Variants in THRA observed in about 807,000 individuals in gnomAD.
THRA encodes thyroid hormone receptor alpha.
A neutral mutation model predicts 45.0 loss-of-function variants in THRA; 13 were observed. That is an observed-to-expected ratio of 0.29 (90% CI 0.19 to 0.46). THRA has a LOEUF of 0.46. THRA is among the 20% of genes least tolerant of loss of function. The pLI, the probability that THRA is intolerant of heterozygous loss-of-function variation, is 1.00. For missense variants in THRA, 278 were observed against 556.1 expected (o/e 0.50, Z 5.03); for synonymous variants, 195 against 214.0 (o/e 0.91, Z 0.78).
Position 40,089,857 on chromosome 17 carries a change from C to A in THRA, c.*401C>A. The A allele has an allele frequency of 9.7e-7, 1 of 1,032,750 alleles. No individual in the cohort carries two copies. The allele number at this position is 1,032,750 out of a possible 1,614,324, so 64.0% of individuals were successfully genotyped here. A position where few individuals can be genotyped will look rare whatever the true frequency, so the allele number is the denominator to read the frequency against. On this transcript the variant is annotated 3_prime_UTR_variant, in exon 9 of 9. Coordinates refer to ENST00000450525, the MANE Select transcript of THRA (RefSeq NM_199334.5). The surrounding 1 kb of genome is among the most constrained non-coding windows in gnomAD (Gnocchi z 6.1). Reference sequence around the variant, plus strand: ...ACACACACATGAGAGAGAGCCCCCACCCAGTTCCTTGGCCTAGGTCTCCCC... The same window carrying A: ...ACACACACATGAGAGAGAGCCCCCAACCAGTTCCTTGGCCTAGGTCTCCCC...
Position 40,076,853 on chromosome 17 carries a change from C to T in THRA, c.54-18C>T, listed in dbSNP as rs2145060770. The T allele has an allele frequency of 6.2e-7, 1 of 1,613,842 alleles. No homozygotes were observed. The highest frequency in any genetic ancestry group is 2.2e-5 in the East Asian group (1 of 44,882). On this transcript the variant is annotated intron_variant, in intron 2 of 8. Coordinates refer to ENST00000450525, the MANE Select transcript of THRA (RefSeq NM_199334.5). ...TCGAAGACTGCTCTGTGATTCTGCC[C>T]ACTTTGCCTCCATCCAGTGCCAGGT...
chr17:40,070,221 C>A lies in THRA; in HGVS notation c.-297-3971C>A, dbSNP rs528768278. On this transcript the variant is annotated intron_variant, in intron 1 of 8. Transcript: ENST00000450525. ...CCGCCTCCCCTCCTCCCGTCTCCCC[C>A]ATGCCTGCCAGGCTGGGGCCCTGAG... 1.3e-4 allele frequency among the ~76,000 whole-genome samples: 20 copies of A among 152,212 alleles called. No individual in the cohort carries two copies. In the East Asian group the frequency reaches 3.7e-3, roughly 28 times the overall value.
At chr17:40,070,077 C>T (rs1436950789) in intron 1 of THRA, among the ~76,000 whole-genome samples, 1 of 151,976 alleles carries the variant, frequency 6.6e-6, no homozygotes, top group African/African-American at 2.4e-5. Context: ...TTATGAGGAT[C>T]CCCACCCCAT....
At position 40,092,776 on chromosome 17, in the gene THRA, A is replaced by C; in HGVS notation, c.*3320A>C. ...TCCACCCCACCCCCCAAACGAGCAC[A>C]CACCACAGAAGCCAGCTCAGCTGTG... On this transcript the variant is annotated 3_prime_UTR_variant, in exon 9 of 9. Transcript: ENST00000450525. 3 of 378,682 alleles carry C rather than the reference A, an allele frequency of 7.9e-6. No homozygotes were observed. Among genetic ancestry groups the C allele is most frequent in the Non-Finnish European group, 9.0e-6 (2 of 223,250 alleles). The allele number at this position is 378,682 out of a possible 1,614,324, so 23.5% of individuals were successfully genotyped here.
downstream of THRA, chr17:40,093,349 C>G: frequency 1.9e-6 from 3 of 1,612,582 alleles, no homozygotes. The surrounding 1 kb of genome is among the most constrained non-coding windows in gnomAD (Gnocchi z 5.9). Flanking sequence ...CGGAGGTCTG[C>G]GAGGACCTGG....
chr17:40,082,123 CA>C (rs1190333952), intron 4 of THRA, among the ~76,000 whole-genome samples: 1 of 151,194 alleles, frequency 6.6e-6, no homozygotes, highest in African/African-American at 2.4e-5. Flanking sequence ...GGACAACAGG[CA>C]ACATATATGA....
chr17:40,093,505 A>G, downstream of THRA: 1 of 1,409,848 alleles, frequency 7.1e-7, no homozygotes, highest in South Asian at 1.5e-5. This position sits in a 1 kb window ranked among gnomAD's most constrained non-coding sequence, Gnocchi z 5.9. Context: ...GTCACCTCCC[A>G]TCCCGTAAGA....
downstream of THRA, chr17:40,093,255 G>A (rs201903415): frequency 2.7e-5 from 44 of 1,613,646 alleles, no homozygotes; most frequent in East Asian, 4.5e-4. The surrounding 1 kb of genome is among the most constrained non-coding windows in gnomAD (Gnocchi z 5.9). Context: ...CTGCTCCACC[G>A]AAGCGGAATT....
intron 2 of THRA, 131 bp from the exon 3 acceptor site, chr17:40,076,740 G>A: frequency 1.1e-6 from 1 of 884,046 alleles, no homozygotes; most frequent in Non-Finnish European, 1.7e-6. Context: ...AGCTGACCCT[G>A]GGGGGTGGGA....
chr17:40,083,689 G>A, intron 4 of THRA, 146 bp from the exon 5 acceptor site: 1 of 1,065,532 alleles, frequency 9.4e-7, no homozygotes, highest in Admixed American at 2.9e-5. Flanking sequence ...AGTAATCTTG[G>A]GCTCATGGTG....
intron 2 of THRA, among the ~76,000 whole-genome samples, chr17:40,076,647 C>T (rs574808972): frequency 9.9e-5 from 15 of 152,222 alleles, no homozygotes; most frequent in Non-Finnish European, 1.9e-4. Context: ...TGTTGGGGCT[C>T]TAGAATATGC....
chr17:40,072,887 T>A (rs1439105936), intron 1 of THRA, among the ~76,000 whole-genome samples: 6 of 152,120 alleles, frequency 3.9e-5, no homozygotes, highest in Non-Finnish European at 7.4e-5. Flanking sequence ...GGCTCCCTGC[T>A]CATGCCCCCC....
intron 4 of THRA, among the ~76,000 whole-genome samples, chr17:40,082,207 CTTTTTTTT>C (rs770974952): frequency 2.5e-5 from 2 of 78,786 alleles, no homozygotes; most frequent in African/African-American, 9.9e-5. Flanking sequence ...CTTGGATTTC[CTTTTTTTT>C]TTTTTTTTTT....
downstream of THRA, chr17:40,093,585 C>T: frequency 1.2e-6 from 1 of 815,434 alleles, no homozygotes; most frequent in Non-Finnish European, 1.9e-6. The surrounding 1 kb of genome is among the most constrained non-coding windows in gnomAD (Gnocchi z 5.9). Context: ...GTTCCCTCTG[C>T]CTGGGATGCC....
chr17:40,074,342 G>A lies in THRA; in HGVS notation c.-147G>A. 3 of 832,040 alleles carry A rather than the reference G, an allele frequency of 3.6e-6. No homozygotes were observed. The highest frequency in any genetic ancestry group is 2.2e-5 in the Admixed American group (1 of 46,292). The allele number at this position is 832,040 out of a possible 1,614,324, so 51.5% of individuals were successfully genotyped here. A position where few individuals can be genotyped will look rare whatever the true frequency, so the allele number is the denominator to read the frequency against. On this transcript the variant is annotated 5_prime_UTR_variant, in exon 2 of 9. Transcript: ENST00000450525. Reference sequence around the variant, plus strand: ...TGGGGCGCAGGGCATGGTGTGAAAGGCCAAGTGCTGAGGCGGGTATCATGG... The same window carrying A: ...TGGGGCGCAGGGCATGGTGTGAAAGACCAAGTGCTGAGGCGGGTATCATGG...
intron 7 of THRA, 57 bp downstream of exon 7, chr17:40,086,910 C>T: frequency 1.9e-6 from 3 of 1,605,286 alleles, no homozygotes; most frequent in Non-Finnish European, 2.6e-6. Context: ...ACCTGCTCCC[C>T]CGGTCACCCA....
intron 1 of THRA, among the ~76,000 whole-genome samples, chr17:40,069,559 G>C (rs1449766433): frequency 6.6e-6 from 1 of 152,082 alleles, no homozygotes; most frequent in Non-Finnish European, 1.5e-5. Context: ...GCATTCAGCT[G>C]CCCCAGCTCC....
In THRA at chr17:40,083,814, GCTCCAT is replaced by G. The variant is rs1002873248; in HGVS notation, c.223-16_223-11del. 1.3e-6 allele frequency: 2 copies of G among 1,582,276 alleles called. No individual in the cohort carries two copies. The highest frequency in any genetic ancestry group is 2.7e-5 in the African/African-American group (2 of 74,188). On this transcript the variant is annotated splice_polypyrimidine_tract_variant and intron_variant, in intron 4 of 8. Coordinates refer to ENST00000450525, the MANE Select transcript of THRA (RefSeq NM_199334.5). The stretch of plus-strand genomic sequence containing the variant: ...GGAAGCCATGTCATGATCACAGCCT[GCTCCAT>G]CTCCCCCACCCCAGGGCTTCTTTCG...
chr17:40,072,285 C>G (rs574007271), intron 1 of THRA: 2 of 152,412 alleles, frequency 1.3e-5, no homozygotes, highest in Non-Finnish European at 2.9e-5. Flanking sequence ...CCGCCTGGCC[C>G]GGCCCACAGC....
Sources: allele counts gnomAD v4.1 joint callset (sites outside exome capture counted in the v4.1 genomes callset), GRCh38; gene constraint gnomAD v4.1.1; non-coding constraint Gnocchi (gnomAD v3.1); transcripts MANE v1.5; gene names NCBI Gene and HGNC (gene_info 2026-07-23, HGNC 2026-07-21).